DUSP16: variants seen among roughly 807,000 people sequenced by gnomAD.
DUSP16 encodes dual specificity protein phosphatase 16.
A neutral mutation model predicts 58.3 loss-of-function variants in DUSP16; 21 were observed. The observed-to-expected ratio is 0.36, with a 90% confidence interval of 0.26 to 0.52. The LOEUF (loss-of-function observed/expected upper bound fraction) is 0.52, where lower values mean the gene tolerates loss of function less well. Ranked by LOEUF, DUSP16 falls within the 20% of genes least tolerant of loss-of-function variation. The pLI, the probability that DUSP16 is intolerant of heterozygous loss-of-function variation, is 0.94. For synonymous variants in DUSP16, 320 were observed against 323.8 expected, an observed-to-expected ratio of 0.99 and a Z score of 0.12; for missense variants, 726 against 819.0, an observed-to-expected ratio of 0.89 and a Z score of 1.39.
intron 1 of DUSP16, among the ~76,000 whole-genome samples, chr12:12,524,421 C>T (rs931916358): frequency 6.6e-6 from 1 of 152,168 alleles, no homozygotes; most frequent in East Asian, 1.9e-4. Context: ...CAGAGCCCTG[C>T]CAAGGGATCA....
chr12:12,483,117 G>A (rs747737712), intron 5 of DUSP16, among the ~76,000 whole-genome samples: 12 of 152,106 alleles, frequency 7.9e-5, no homozygotes, highest in Non-Finnish European at 1.6e-4. Context: ...GGCCATTACC[G>A]CAATTAAGGC....
intron 1 of DUSP16, among the ~76,000 whole-genome samples, chr12:12,553,047 T>C (rs1331497148): frequency 6.6e-6 from 1 of 152,086 alleles, no homozygotes; most frequent in African/African-American, 2.4e-5. Context: ...TCCCAAAGTG[T>C]TGGGATTACA....
At chr12:12,478,125 T>C (rs979228179) in intron 6 of DUSP16, 110 bp from the exon 7 acceptor site, 4 of 1,012,940 alleles carry the variant, frequency 3.9e-6, no homozygotes, top group Non-Finnish European at 2.9e-6. Context: ...TCAAAAACTT[T>C]GGAAGATGAT....
rs58116968 is a variant in DUSP16, at chr12:12,502,550, A to ATTTTTTT, written c.368-1875_368-1869dup. ...CTGCACCTTACAGTTTCATGGTTTC[A>ATTTTTTT]TTTTTTTTTTTTTTTTTTGAGACGA... On this transcript the variant is annotated intron_variant, in intron 3 of 6. Coordinates refer to ENST00000298573, the MANE Select transcript of DUSP16 (RefSeq NM_030640.3). Among the ~76,000 whole-genome samples the ATTTTTTT allele has an allele frequency of 7.2e-3, 937 of 130,822 alleles. 12 individuals carry two copies. The highest frequency in any genetic ancestry group is 0.021 in the African/African-American group (750 of 35,218). The allele number at this position is 130,822 out of a possible 152,430, so 85.8% of individuals were successfully genotyped here. A position where few individuals can be genotyped will look rare whatever the true frequency, so the allele number is the denominator to read the frequency against.
chr12:12,482,851 C>G (rs1033242409), intron 5 of DUSP16, among the ~76,000 whole-genome samples: 1 of 152,150 alleles, frequency 6.6e-6, no homozygotes, highest in Admixed American at 6.5e-5. Context: ...GCTAGGACTA[C>G]AGGTGCACAC....
chr12:12,478,149 C>A, intron 6 of DUSP16, 134 bp from the exon 7 acceptor site: 1 of 814,076 alleles, frequency 1.2e-6, no homozygotes, highest in Middle Eastern at 3.8e-4. Flanking sequence ...TTTACAAGTT[C>A]GGGGAGATGC....
At chr12:12,525,259 A>C (rs1944287819) in intron 1 of DUSP16, among the ~76,000 whole-genome samples, 1 of 151,898 alleles carries the variant, frequency 6.6e-6, no homozygotes, top group Non-Finnish European at 1.5e-5. Flanking sequence ...AATCTAAATA[A>C]AACATGTAGA....
At chr12:12,478,533 A>C (rs1459340182) in intron 6 of DUSP16, among the ~76,000 whole-genome samples, 2 of 152,128 alleles carry the variant, frequency 1.3e-5, no homozygotes. Context: ...AAAGGGTCTC[A>C]CTGTGTTGCC....
At chr12:12,532,745 C>G (rs966515913) in intron 1 of DUSP16, among the ~76,000 whole-genome samples, 1 of 151,948 alleles carries the variant, frequency 6.6e-6, no homozygotes, top group African/African-American at 2.4e-5. Flanking sequence ...GTCAAGAATT[C>G]GAGAACTACT....
chr12:12,494,278 G>A (rs1943799659), intron 4 of DUSP16, among the ~76,000 whole-genome samples: 1 of 152,286 alleles, frequency 6.6e-6, no homozygotes, highest in East Asian at 1.9e-4. Context: ...AACAGAAGGT[G>A]TGTTTACTTA....
chr12:12,492,958 T>C (rs574566425), intron 4 of DUSP16, among the ~76,000 whole-genome samples: 29 of 152,336 alleles, frequency 1.9e-4, no homozygotes, highest in African/African-American at 6.7e-4. Flanking sequence ...TGGGTCATTC[T>C]CAACTCCCCA....
intron 1 of DUSP16, among the ~76,000 whole-genome samples, chr12:12,530,771 T>C (rs1483272348): frequency 1.3e-5 from 2 of 152,174 alleles, no homozygotes; most frequent in Non-Finnish European, 2.9e-5. Context: ...TTGTATCTAC[T>C]AAGAGAATCT....
chr12:12,485,741 AAG>A, intron 5 of DUSP16, among the ~76,000 whole-genome samples: 1 of 151,342 alleles, frequency 6.6e-6, no homozygotes, highest in South Asian at 2.1e-4. Context: ...CGGCTTGTTA[AAG>A]TGCTGGGATT....
chr12:12,532,583 AG>A (rs1265273877), intron 1 of DUSP16, among the ~76,000 whole-genome samples: 1 of 152,246 alleles, frequency 6.6e-6, no homozygotes, highest in Admixed American at 6.5e-5. Context: ...ATTCAGACCC[AG>A]GAACTATTAC....
intron 3 of DUSP16, among the ~76,000 whole-genome samples, chr12:12,513,333 T>C (rs902122192): frequency 5.9e-5 from 9 of 152,230 alleles, no homozygotes; most frequent in Non-Finnish European, 1.0e-4. Flanking sequence ...TTTTTATAGA[T>C]TGCTATATTC....
intron 3 of DUSP16, among the ~76,000 whole-genome samples, chr12:12,507,027 G>GA (rs369648175): frequency 6.6e-6 from 1 of 151,996 alleles, no homozygotes; most frequent in African/African-American, 2.4e-5. Flanking sequence ...AAGCAAACGT[G>GA]AACCACCATT....
At chr12:12,504,246 T>TA (rs1943951996) in intron 3 of DUSP16, among the ~76,000 whole-genome samples, 1 of 152,226 alleles carries the variant, frequency 6.6e-6, no homozygotes, top group Admixed American at 6.5e-5. Context: ...ATGTGGTGTC[T>TA]ATTAACATGT....
intron 4 of DUSP16, among the ~76,000 whole-genome samples, chr12:12,496,779 A>G (rs1264303580): frequency 6.6e-6 from 1 of 152,234 alleles, no homozygotes; most frequent in Non-Finnish European, 1.5e-5. Flanking sequence ...TTTATTTAGT[A>G]CAATAAGCTG....
intron 5 of DUSP16, among the ~76,000 whole-genome samples, chr12:12,486,477 TGA>T (rs994604105): frequency 8.8e-6 from 1 of 113,846 alleles, no homozygotes; most frequent in African/African-American, 3.3e-5. Flanking sequence ...AATAACCAAA[TGA>T]GAGTGTGTGT....
Sources: gnomAD v4.1 joint callset for allele counts (sites outside exome capture counted in the v4.1 genomes callset) on GRCh38, gnomAD v4.1.1 for gene constraint, MANE v1.5 for transcripts, NCBI Gene and HGNC (gene_info 2026-07-23, HGNC 2026-07-21) for gene names.